Variants in HACL1 observed in about 807,000 individuals in gnomAD.
HACL1 encodes 1600020H07Rik.
In HACL1, 64 loss-of-function variants were observed where a neutral mutation model predicts 74.2. The ratio of observed to expected loss-of-function variants is 0.86; its 90% CI spans 0.70 to 1.06. The LOEUF (loss-of-function observed/expected upper bound fraction) is 1.06, where lower values mean the gene tolerates loss of function less well. Ranked by LOEUF, HACL1 falls within the 50% of genes least tolerant of loss-of-function variation. The pLI, the probability that HACL1 is intolerant of heterozygous loss-of-function variation, is 0.00. For synonymous variants in HACL1, 230 were observed against 238.8 expected (o/e 0.96, Z 0.34); for missense variants, 728 against 719.7 (o/e 1.01, Z -0.13).
intron 3 of HACL1, chr3:15,596,121 C>A: frequency 2.6e-6 from 1 of 383,374 alleles, no homozygotes; most frequent in Non-Finnish European, 4.8e-6. Context: ...GTTGTGAGAT[C>A]CAAGACAAGG....
At chr3:15,589,208 A>T (rs191928216) in intron 5 of HACL1, among the ~76,000 whole-genome samples, 10 of 152,172 alleles carry the variant, frequency 6.6e-5, no homozygotes, top group Admixed American at 5.9e-4. Flanking sequence ...AAATCTTAAG[A>T]GTTGCAGGCC....
Position 15,589,526 on chromosome 3 carries a change from T to C in HACL1, c.381+14A>G, listed in dbSNP as rs1304077172. On this transcript the variant is annotated intron_variant, in intron 5 of 16. Transcript: ENST00000321169. ...ATTAAAAATAAAAAAAACCAAAATCTTAAAGTTGGATACCTGAGGAAACTC... is the reference window on the plus strand; with the variant it reads ...ATTAAAAATAAAAAAAACCAAAATCCTAAAGTTGGATACCTGAGGAAACTC... 1.3e-6 allele frequency: 2 copies of C among 1,557,512 alleles called. No homozygotes were observed. Among genetic ancestry groups the C allele is most frequent in the Admixed American group, 1.8e-5 (1 of 55,986 alleles).
At position 15,563,488 on chromosome 3, in the gene HACL1, A is replaced by T; in HGVS notation, c.1574T>A (p.Phe525Tyr). 1 of 1,612,708 alleles carries T rather than the reference A, an allele frequency of 6.2e-7. No individual in the cohort carries two copies. Among genetic ancestry groups the T allele is most frequent in the Non-Finnish European group, 8.5e-7 (1 of 1,178,700 alleles). ...TTGTACAAAATACCCTTTGCCTCCA[A>T]ATGCAGTCATGACTTGCTCATAATG... ...NSHYEQVMTA[F>Y]GGKGYFVQTP... Residue 525 changes from phenylalanine (F) to tyrosine (Y), a missense_variant, in exon 16 of 17, where the codon TTT (phenylalanine) becomes TAT (tyrosine). Physicochemically the swap from Phe to Tyr is conservative, Grantham distance 22. Coordinates refer to ENST00000321169, the MANE Select transcript of HACL1 (RefSeq NM_012260.4).
At chr3:15,576,154 C>CAAAAAAAA (rs1185744343) in intron 9 of HACL1, among the ~76,000 whole-genome samples, 1 of 62,482 alleles carries the variant, frequency 1.6e-5, no homozygotes, top group African/African-American at 5.6e-5. Context: ...GACTCTGTCT[C>CAAAAAAAA]AAAAAAAAAA....
Position 15,573,146 on chromosome 3 carries a change from C to A in HACL1, c.993+13G>T, listed in dbSNP as rs1341484838. 4.0e-6 allele frequency: 6 copies of A among 1,517,886 alleles called. No individual in the cohort carries two copies. Among genetic ancestry groups the A allele is most frequent in the Non-Finnish European group, 5.5e-6 (6 of 1,092,992 alleles). The allele number at this position is 1,517,886 out of a possible 1,614,324, so 94.0% of individuals were successfully genotyped here. On this transcript the variant is annotated intron_variant, in intron 11 of 16. Transcript: ENST00000321169. ...AATAAGCACTCCACATAAACTAAAACAAAAGTTCTCACCTGCTTAGTGACA... is the reference window on the plus strand; with the variant it reads ...AATAAGCACTCCACATAAACTAAAAAAAAAGTTCTCACCTGCTTAGTGACA...
chr3:15,569,163 T>C (rs1270697178), intron 12 of HACL1, among the ~76,000 whole-genome samples: 1 of 152,130 alleles, frequency 6.6e-6, no homozygotes, highest in Non-Finnish European at 1.5e-5. Context: ...CCACATGCCT[T>C]TCAGGGCTGA....
chr3:15,582,899 T>C lies in HACL1; in HGVS notation c.645A>G (p.Gln215=), dbSNP rs764570292. The change falls in exon 8 of 17, where the codon CAA becomes CAG. Residue 215 remains glutamine (Q), a synonymous_variant. Coordinates refer to ENST00000321169, the MANE Select transcript of HACL1 (RefSeq NM_012260.4). ...TACCTTTCCCGATGATAAGAAGGGG[T>C]TGTTTGGCATTCCTAATAACAGAAG... The part of the protein sequence containing the change: ...TAASVIRNAK[Q]PLLIIGKGAA... 8 of 1,596,156 alleles carry C rather than the reference T, an allele frequency of 5.0e-6. No individual in the cohort carries two copies. Among genetic ancestry groups the C allele is most frequent in the Non-Finnish European group, 6.9e-6 (8 of 1,164,214 alleles).
Position 15,592,527 on chromosome 3 carries a change from C to T in HACL1, c.228-847G>A, listed in dbSNP as rs2063956095. ...TTGTATATACACTTGTATACATATA[C>T]ACATGTATACACATGTACGCACATG... On this transcript the variant is annotated intron_variant, in intron 3 of 16. Transcript: ENST00000321169. Among the ~76,000 whole-genome samples, 6 of 144,224 alleles carry T rather than the reference C, an allele frequency of 4.2e-5. No homozygotes were observed. In the South Asian group the frequency reaches 1.1e-3, roughly 26 times the overall value. The allele number at this position is 144,224 out of a possible 152,430, so 94.6% of individuals were successfully genotyped here.
intron 2 of HACL1, among the ~76,000 whole-genome samples, chr3:15,598,421 C>A (rs948297488): frequency 6.6e-6 from 1 of 152,148 alleles, no homozygotes; most frequent in African/African-American, 2.4e-5. Context: ...GACTCTCGAG[C>A]CAATCTGTTT....
chr3:15,594,067 G>A (rs1479153462), intron 3 of HACL1, among the ~76,000 whole-genome samples: 1 of 152,096 alleles, frequency 6.6e-6, no homozygotes, highest in Non-Finnish European at 1.5e-5. Context: ...CCAAAGTGCT[G>A]GGATTACAGG....
intron 10 of HACL1, 74 bp downstream of exon 10, chr3:15,574,903 A>G (rs1447087929): frequency 1.5e-6 from 1 of 668,536 alleles, no homozygotes; most frequent in Non-Finnish European, 2.7e-6. Context: ...AGAAGATAAC[A>G]GAGCTGATTA....
At chr3:15,574,495 A>G (rs1391259546) in intron 10 of HACL1, among the ~76,000 whole-genome samples, 1 of 152,206 alleles carries the variant, frequency 6.6e-6, no homozygotes, top group Non-Finnish European at 1.5e-5. Context: ...GGTGGGTCAT[A>G]ATGATACAAG....
chr3:15,580,822 T>C lies in HACL1; in HGVS notation c.668-777A>G, dbSNP rs148191385. Among the ~76,000 whole-genome samples the C allele has an allele frequency of 3.0e-3, 460 of 152,380 alleles. 4 individuals are homozygous for C. The highest frequency in any genetic ancestry group is 6.3e-3 in the African/African-American group (262 of 41,582). On this transcript the variant is annotated intron_variant, in intron 8 of 16. Transcript: ENST00000321169. ...TGGAAATTCTAAGGTGCATTAAGTT[T>C]CTAAAGATCTGCAGATCTTTCTACA...
At chr3:15,561,092 A>C (rs1055597981) in intron 16 of HACL1, among the ~76,000 whole-genome samples, 195 bp from the exon 17 acceptor site, 4 of 152,250 alleles carry the variant, frequency 2.6e-5, no homozygotes, top group African/African-American at 2.4e-5. Context: ...CCTATAAAAC[A>C]ACCTAAAATG....
At chr3:15,585,908 TCA>T (rs2063786794) in intron 6 of HACL1, among the ~76,000 whole-genome samples, 1 of 152,188 alleles carries the variant, frequency 6.6e-6, no homozygotes. Context: ...ATGTGACAGC[TCA>T]CAGTCAAAAT....
At chr3:15,586,955 G>A (rs1243174716) in intron 5 of HACL1, among the ~76,000 whole-genome samples, 1 of 152,150 alleles carries the variant, frequency 6.6e-6, no homozygotes, top group African/African-American at 2.4e-5. Context: ...CATATCTTTG[G>A]ATCCAGCAAT....
chr3:15,589,540 C>T lies in HACL1; in HGVS notation c.381G>A (p.Gln127=). 1 of 1,590,340 alleles carries T rather than the reference C, an allele frequency of 6.3e-7. No homozygotes were observed. The highest frequency in any genetic ancestry group is 1.7e-4 in the Middle Eastern group (1 of 5,958). Residue 127 remains glutamine (Q), a splice_region_variant and synonymous_variant, in exon 5 of 17, where the codon CAG becomes CAA. Transcript: ENST00000321169. ...AAACCAAAATCTTAAAGTTGGATAC[C>T]TGAGGAAACTCCTGGAAAGCTCCCA... ...ETMGAFQEFP[Q]VEACRLYTKF... is the part of the protein sequence containing the mutation.
intron 3 of HACL1, among the ~76,000 whole-genome samples, chr3:15,592,479 C>CATACACACTTGTATACAT (rs1553644919): frequency 2.8e-4 from 3 of 10,654 alleles, no homozygotes; most frequent in Admixed American, 8.7e-4. Flanking sequence ...CACACGTATA[C>CATACACACTTGTATACAT]ATACACTTGT....
Position 15,601,210 on chromosome 3 carries a change from C to A in HACL1, c.82-16G>T, listed in dbSNP as rs777066688. 6.3e-7 allele frequency: 1 copy of A among 1,594,562 alleles called. No homozygotes were observed. The highest frequency in any genetic ancestry group is 1.1e-5 in the South Asian group (1 of 90,690). On this transcript the variant is annotated splice_polypyrimidine_tract_variant and intron_variant, in intron 1 of 16. Transcript: ENST00000321169. ...ACTCCACATCCTGAGGAACGAAGAA[C>A]AGGGGAGTAAACTCCCAAGGCCCCA...
Sources: gnomAD v4.1 joint callset for allele counts (sites outside exome capture counted in the v4.1 genomes callset) on GRCh38, gnomAD v4.1.1 for gene constraint, MANE v1.5 for transcripts, NCBI Gene and HGNC (gene_info 2026-07-23, HGNC 2026-07-21) for gene names.